ASPH: variants seen among roughly 807,000 people sequenced by gnomAD.
ASPH encodes the protein aspartyl/asparaginyl beta-hydroxylase.
ASPH carries 100 observed loss-of-function variants against 118.4 expected under a neutral mutation model. That is an observed-to-expected ratio of 0.84 (90% CI 0.72 to 1.00). ASPH has a LOEUF of 1.00. Among genes scored for constraint, ASPH ranks in the 50% least tolerant of loss-of-function variants. The pLI is 0.00. For synonymous variants in ASPH, 315 were observed against 325.6 expected (o/e 0.97, Z 0.35); for missense variants, 920 against 919.5 (o/e 1.00, Z -0.01).
Position 61,518,130 on chromosome 8 carries a change from TA to T in ASPH, c.1901-8del. The T allele has an allele frequency of 6.2e-7, 1 of 1,607,444 alleles. No individual in the cohort carries two copies. The highest frequency in any genetic ancestry group is 1.3e-5 in the African/African-American group (1 of 74,816). On this transcript the variant is annotated splice_polypyrimidine_tract_variant and splice_region_variant and intron_variant, in intron 22 of 24. Coordinates refer to ENST00000379454, the MANE Select transcript of ASPH (RefSeq NM_004318.4). ...GCATTTTCATTTCTTCTTCCTAGAATAAATAACATAATTGTTGGAAACAAAT... is the reference window on the plus strand; with the variant it reads ...GCATTTTCATTTCTTCTTCCTAGAATAATAACATAATTGTTGGAAACAAAT...
intron 15 of ASPH, among the ~76,000 whole-genome samples, chr8:61,583,719 G>A (rs1015611186): frequency 2.6e-5 from 4 of 152,088 alleles, no homozygotes; most frequent in African/African-American, 7.2e-5. Flanking sequence ...GCTGACACCC[G>A]CATCGGCTGG....
At chr8:61,517,690 G>A (rs1186846007) in intron 23 of ASPH, 29 bp from the exon 24 acceptor site, 1 of 1,603,802 alleles carries the variant, frequency 6.2e-7, no homozygotes, top group South Asian at 1.1e-5. Context: ...ACTCCATTCA[G>A]CCATTTATCA....
chr8:61,638,071 G>A (rs571985204), intron 11 of ASPH, 68 bp from the exon 12 acceptor site: 40 of 1,445,258 alleles, frequency 2.8e-5, no homozygotes, highest in African/African-American at 4.3e-5. Flanking sequence ...ACATTCACTC[G>A]CCTTCATTCA....
intron 1 of ASPH, among the ~76,000 whole-genome samples, chr8:61,696,045 G>A (rs921836012): frequency 2.0e-5 from 3 of 152,094 alleles, no homozygotes; most frequent in South Asian, 2.1e-4. Context: ...ACTCAGATTC[G>A]TCCCTTCACC....
chr8:61,525,418 TA>T (rs5891807), intron 22 of ASPH, among the ~76,000 whole-genome samples: 2,405 of 151,884 alleles, frequency 0.016, 61 homozygotes, highest in African/African-American at 0.055. Flanking sequence ...TGGGTTAAGC[TA>T]AAAAAATATG....
At chr8:61,506,090 GAACA>G (rs1164053692) in intron 24 of ASPH, among the ~76,000 whole-genome samples, 2 of 152,172 alleles carry the variant, frequency 1.3e-5, no homozygotes, top group South Asian at 4.1e-4. Flanking sequence ...ATCAGTGAAT[GAACA>G]GACAAACAAA....
At chr8:61,665,116 C>A in intron 3 of ASPH, 4 of 1,435,698 alleles carry the variant, frequency 2.8e-6, no homozygotes, top group South Asian at 1.8e-5. Context: ...AATTTACTTG[C>A]TAAGCACCAA....
At chr8:61,543,836 A>G (rs1822830174) in intron 21 of ASPH, among the ~76,000 whole-genome samples, 1 of 152,148 alleles carries the variant, frequency 6.6e-6, no homozygotes, top group African/African-American at 2.4e-5. Context: ...TTTCTGGATT[A>G]ATTTTGTGAA....
chr8:61,626,797 T>G (rs1364782296), intron 13 of ASPH, among the ~76,000 whole-genome samples: 6 of 151,946 alleles, frequency 3.9e-5, no homozygotes. Context: ...TAAAAGTATA[T>G]AAGTATTTTA....
Position 61,643,453 on chromosome 8 carries a change from C to T in ASPH, c.710-20G>A. The T allele has an allele frequency of 1.3e-6, 2 of 1,599,052 alleles. No homozygotes were observed. The highest frequency in any genetic ancestry group is 1.7e-6 in the Non-Finnish European group (2 of 1,178,732). On this transcript the variant is annotated intron_variant, in intron 8 of 24. Transcript: ENST00000379454. Reference sequence around the variant, plus strand: ...TGGAATCTAAAAAACAAAAACACACCTTTGCCAAACAGGAAAAAACCAAAC... The same window carrying T: ...TGGAATCTAAAAAACAAAAACACACTTTTGCCAAACAGGAAAAAACCAAAC...
intron 12 of ASPH, among the ~76,000 whole-genome samples, chr8:61,634,700 T>G (rs1564110819): frequency 6.6e-6 from 1 of 150,492 alleles, no homozygotes; most frequent in Non-Finnish European, 1.5e-5. Context: ...TTTGCCTGTT[T>G]ATTTTGTTCT....
At chr8:61,663,828 A>G in intron 3 of ASPH, 1 of 981,896 alleles carries the variant, frequency 1.0e-6, no homozygotes, top group Non-Finnish European at 1.2e-6. Context: ...TAAATGTCGT[A>G]AAGTATTTGA....
At chr8:61,653,473 G>GA in intron 4 of ASPH, 95 bp downstream of exon 4, 1 of 1,203,910 alleles carries the variant, frequency 8.3e-7, no homozygotes, top group Non-Finnish European at 1.2e-6. Context: ...TAAATGATGT[G>GA]AAACAAATTC....
At chr8:61,698,581 T>C (rs978150096) in intron 1 of ASPH, among the ~76,000 whole-genome samples, 2 of 152,212 alleles carry the variant, frequency 1.3e-5, no homozygotes, top group African/African-American at 4.8e-5. Context: ...TGGTCACTAG[T>C]GATCAAGTTA....
chr8:61,539,389 G>A (rs2130296633), intron 21 of ASPH, among the ~76,000 whole-genome samples: 1 of 152,076 alleles, frequency 6.6e-6, no homozygotes, highest in East Asian at 1.9e-4. Context: ...TTTTAGAGCA[G>A]GAGTGAAAGT....
chr8:61,679,963 A>AAAAAAAAAAAAAAAAAAAAAAAAC (rs1563554638), intron 3 of ASPH, among the ~76,000 whole-genome samples: 1 of 148,360 alleles, frequency 6.7e-6, no homozygotes. Context: ...AAAAAACAAA[A>AAAAAAAAAAAAAAAAAAAAAAAAC]AACACCAACA....
intron 3 of ASPH, chr8:61,664,512 G>C (rs1469131212): frequency 1.0e-6 from 1 of 984,948 alleles, no homozygotes; most frequent in Non-Finnish European, 1.2e-6. Flanking sequence ...TGTGGCACAT[G>C]GTAAGCACTA....
Position 61,638,376 on chromosome 8 carries a change from A to C in ASPH, c.791-13T>G, listed in dbSNP as rs924236446. 3 of 1,565,892 alleles carry C rather than the reference A, an allele frequency of 1.9e-6. No homozygotes were observed. Among genetic ancestry groups the C allele is most frequent in the East Asian group, 2.2e-5 (1 of 44,590 alleles). ...GGTTCATATACTGCTAAAAAAAAAA[A>C]AACAGAAACAAAATCCCGTAACTTT... On this transcript the variant is annotated splice_polypyrimidine_tract_variant and intron_variant, in intron 10 of 24. Coordinates refer to ENST00000379454, the MANE Select transcript of ASPH (RefSeq NM_004318.4).
At position 61,500,769 on chromosome 8, in the gene ASPH, CTCAAAG is replaced by C. The variant is rs765253006; in HGVS notation, c.*2584_*2589del. On this transcript the variant is annotated 3_prime_UTR_variant, in exon 25 of 25. Transcript: ENST00000379454. The stretch of plus-strand genomic sequence containing the variant: ...TATTTATTAGTATTACCAGTTGGTG[CTCAAAG>C]TCAAACAAAAATATTTTAGTTAATA... 1 of 152,052 alleles carries C rather than the reference CTCAAAG, an allele frequency of 6.6e-6. No homozygotes were observed. Among genetic ancestry groups the C allele is most frequent in the Non-Finnish European group, 1.5e-5 (1 of 68,026 alleles). The allele number at this position is 152,052 out of a possible 1,614,324, so 9.4% of individuals were successfully genotyped here. A position where few individuals can be genotyped will look rare whatever the true frequency, so the allele number is the denominator to read the frequency against.
Sources: gnomAD v4.1 joint callset for allele counts (sites outside exome capture counted in the v4.1 genomes callset) on GRCh38, gnomAD v4.1.1 for gene constraint, MANE v1.5 for transcripts, NCBI Gene and HGNC (gene_info 2026-07-23, HGNC 2026-07-21) for gene names.